The following TENT5C variants were observed in gnomAD, a reference collection of about 807,000 sequenced individuals.
The protein encoded by TENT5C is terminal nucleotidyltransferase 5C, also known as family with sequence similarity 46 member C.
In TENT5C, 5 loss-of-function variants were observed where a neutral mutation model predicts 22.2. The observed-to-expected ratio is 0.22, with a 90% CI of 0.12 to 0.47. The LOEUF (loss-of-function observed/expected upper bound fraction) is 0.47, where lower values mean the gene tolerates loss of function less well. TENT5C is among the 20% of genes least tolerant of loss of function. The pLI is 0.99. For missense variants in TENT5C, 364 were observed against 500.9 expected, an observed-to-expected ratio of 0.73 and a Z score of 2.61; for synonymous variants, 199 against 195.4, an observed-to-expected ratio of 1.02 and a Z score of -0.15.
At chr1:117,615,569 A>T (rs1285258415) in intron 1 of TENT5C, among the ~76,000 whole-genome samples, 1 of 152,208 alleles carries the variant, frequency 6.6e-6, no homozygotes, top group Non-Finnish European at 1.5e-5. Flanking sequence ...ATCTAGTCAC[A>T]TGTGGTGTCC....
Position 117,624,210 on chromosome 1 carries a change from A to C in TENT5C, c.*166A>C. ...TGTGTACCCATTGGAATGGGTCTAC[A>C]GTGTATCATGAGCCAACCCTCAAAG... On this transcript the variant is annotated 3_prime_UTR_variant, in exon 2 of 2. Transcript: ENST00000369448. The C allele has an allele frequency of 1.6e-6, 1 of 637,908 alleles. No homozygotes were observed. The highest frequency in any genetic ancestry group is 2.7e-6 in the Non-Finnish European group (1 of 372,346). The allele number at this position is 637,908 out of a possible 1,614,324, so 39.5% of individuals were successfully genotyped here. A position where few individuals can be genotyped will look rare whatever the true frequency, so the allele number is the denominator to read the frequency against.
At position 117,623,781 on chromosome 1, in the gene TENT5C, G is replaced by A. The variant is rs1391512260; in HGVS notation, c.913G>A (p.Asp305Asn). The change falls in exon 2 of 2, where the codon GAC (aspartate) becomes AAC (asparagine). Residue 305 changes from aspartate to asparagine, a missense_variant. Coordinates refer to ENST00000369448, the MANE Select transcript of TENT5C (RefSeq NM_017709.4). ...HFAEEERSKYDYLMILRRVVN... is the reference protein window; with the variant it reads ...HFAEEERSKYNYLMILRRVVN... Reference sequence around the variant, plus strand: ...CGCTGAAGAAGAGAGAAGCAAGTACGACTACCTCATGATCCTTCGCAGGGT... The same window carrying A: ...CGCTGAAGAAGAGAGAAGCAAGTACAACTACCTCATGATCCTTCGCAGGGT... The A allele has an allele frequency of 5.6e-6, 9 of 1,614,020 alleles. No individual in the cohort carries two copies. Among genetic ancestry groups the A allele is most frequent in the South Asian group, 1.1e-5 (1 of 91,080 alleles).
chr1:117,611,802 G>A (rs1040699589), intron 1 of TENT5C, among the ~76,000 whole-genome samples: 2 of 152,270 alleles, frequency 1.3e-5, no homozygotes, highest in African/African-American at 2.4e-5. Flanking sequence ...AGCTGCCATC[G>A]AACCACGGCA....
intron 1 of TENT5C, among the ~76,000 whole-genome samples, chr1:117,608,897 ATG>A (rs1286934632): frequency 6.6e-6 from 1 of 151,674 alleles, no homozygotes; most frequent in Admixed American, 6.6e-5. Context: ...TTTTGTGTGC[ATG>A]TGTGTGTGTT....
Position 117,624,171 on chromosome 1 carries a change from T to TA in TENT5C, c.*127_*128insA. On this transcript the variant is annotated 3_prime_UTR_variant, in exon 2 of 2. Coordinates refer to ENST00000369448, the MANE Select transcript of TENT5C (RefSeq NM_017709.4). ...AACTCAGCTCTGATTCTGCTTTTTT[T>TA]TTTTTTTTTCCTTTGTGTACCCATT... The TA allele has an allele frequency of 1.2e-6, 1 of 834,296 alleles. No individual in the cohort carries two copies. The highest frequency in any genetic ancestry group is 1.9e-6 in the Non-Finnish European group (1 of 540,296). The allele number at this position is 834,296 out of a possible 1,614,324, so 51.7% of individuals were successfully genotyped here.
chr1:117,628,020 T>C lies in TENT5C; in HGVS notation c.*3976T>C, dbSNP rs956875989. On this transcript the variant is annotated 3_prime_UTR_variant, in exon 2 of 2. Coordinates refer to ENST00000369448, the MANE Select transcript of TENT5C (RefSeq NM_017709.4). ...TGCATAGGAAGGTGAGATGACCATC[T>C]ACTAAAGAGGAAGTAGCTAAATACA... 2.4e-5 allele frequency: 6 copies of C among 248,016 alleles called. No individual in the cohort carries two copies. The highest frequency in any genetic ancestry group is 1.3e-4 in the African/African-American group (6 of 45,352). 15.4% of individuals were successfully genotyped at this position (248,016 alleles called of 1,614,324 possible). A position where few individuals can be genotyped will look rare whatever the true frequency, so the allele number is the denominator to read the frequency against.
intron 1 of TENT5C, among the ~76,000 whole-genome samples, chr1:117,616,306 A>G (rs1400600449): frequency 6.6e-6 from 1 of 152,234 alleles, no homozygotes; most frequent in African/African-American, 2.4e-5. Context: ...TTCATTTCAC[A>G]AGCAAAGAAG....
chr1:117,613,061 G>T (rs1300991259), intron 1 of TENT5C, among the ~76,000 whole-genome samples: 1 of 152,138 alleles, frequency 6.6e-6, no homozygotes, highest in South Asian at 2.1e-4. Context: ...CTCAGTCTGG[G>T]CAATCTCTAA....
chr1:117,615,625 G>A (rs1486094086), intron 1 of TENT5C, among the ~76,000 whole-genome samples: 1 of 152,214 alleles, frequency 6.6e-6, no homozygotes, highest in Non-Finnish European at 1.5e-5. Context: ...CCCTTGGAGG[G>A]CTCTGCATGT....
chr1:117,606,926 G>C (rs901760768), intron 1 of TENT5C, among the ~76,000 whole-genome samples: 17 of 152,152 alleles, frequency 1.1e-4, no homozygotes, highest in African/African-American at 4.1e-4. Flanking sequence ...CTCTCCTTTT[G>C]AAAATGAAAC....
rs891232273 is a variant in TENT5C at position 117,628,189 on chromosome 1, T to C, written c.*4145T>C. On this transcript the variant is annotated 3_prime_UTR_variant, in exon 2 of 2. Coordinates refer to ENST00000369448, the MANE Select transcript of TENT5C (RefSeq NM_017709.4). Reference sequence around the variant, plus strand: ...CCAATTAGACTAAATTGAAAGCTTTTTGTTCTATATTTGCATAGCCTTTGA... The same window carrying C: ...CCAATTAGACTAAATTGAAAGCTTTCTGTTCTATATTTGCATAGCCTTTGA... The C allele has an allele frequency of 8.1e-6, 2 of 247,632 alleles. No individual in the cohort carries two copies. The highest frequency in any genetic ancestry group is 4.4e-5 in the African/African-American group (2 of 45,350). 15.3% of individuals were successfully genotyped at this position (247,632 alleles called of 1,614,324 possible).
chr1:117,616,816 C>T (rs1653790113), intron 1 of TENT5C, among the ~76,000 whole-genome samples: 1 of 152,182 alleles, frequency 6.6e-6, no homozygotes, highest in Admixed American at 6.5e-5. Flanking sequence ...TGCTGAAAGC[C>T]CTCAATAGCT....
chr1:117,611,106 C>T (rs1161217076), intron 1 of TENT5C, among the ~76,000 whole-genome samples: 1 of 152,216 alleles, frequency 6.6e-6, no homozygotes, highest in Non-Finnish European at 1.5e-5. Context: ...CATCGTTGCC[C>T]TCTGCTCGTC....
At chr1:117,611,388 T>C (rs1653668776) in intron 1 of TENT5C, among the ~76,000 whole-genome samples, 1 of 152,252 alleles carries the variant, frequency 6.6e-6, no homozygotes, top group South Asian at 2.1e-4. Context: ...AGGCTGACTT[T>C]AGCTGTGGGG....
At chr1:117,610,080 G>C (rs567288342) in intron 1 of TENT5C, among the ~76,000 whole-genome samples, 25 of 152,130 alleles carry the variant, frequency 1.6e-4, no homozygotes, top group Admixed American at 1.6e-3. Flanking sequence ...CTCTCTCTCT[G>C]TTCACTCAGT....
At chr1:117,613,252 T>C (rs1653706746) in intron 1 of TENT5C, among the ~76,000 whole-genome samples, 1 of 152,198 alleles carries the variant, frequency 6.6e-6, no homozygotes, top group Admixed American at 6.5e-5. Context: ...AATCAAGGCT[T>C]TTATGCCCTG....
intron 1 of TENT5C, among the ~76,000 whole-genome samples, chr1:117,621,511 C>T (rs1204289663): frequency 6.6e-6 from 1 of 152,140 alleles, no homozygotes; most frequent in East Asian, 1.9e-4. Context: ...CCAGCAATGC[C>T]CTGACAACCA....
At chr1:117,607,552 C>T (rs1359935056) in intron 1 of TENT5C, among the ~76,000 whole-genome samples, 1 of 152,134 alleles carries the variant, frequency 6.6e-6, no homozygotes, top group South Asian at 2.1e-4. Context: ...GTGATTAGAT[C>T]CTCCCAAAGT....
chr1:117,609,720 G>A (rs759534142), intron 1 of TENT5C, among the ~76,000 whole-genome samples: 3 of 152,190 alleles, frequency 2.0e-5, no homozygotes, highest in Admixed American at 1.3e-4. Context: ...TATGAGCGCC[G>A]GAAAGCGGAA....
Sources: gnomAD v4.1 joint callset for allele counts (sites outside exome capture counted in the v4.1 genomes callset) on GRCh38, gnomAD v4.1.1 for gene constraint, MANE v1.5 for transcripts, NCBI Gene and HGNC (gene_info 2026-07-23, HGNC 2026-07-21) for gene names.